Variants in GALNT18 observed in about 807,000 individuals in gnomAD.
GALNT18 encodes the protein polypeptide N-acetylgalactosaminyltransferase 18, also known as GalNAc-transferase 18.
In GALNT18, 44 loss-of-function variants were observed where a neutral mutation model predicts 69.5. That is an observed-to-expected ratio of 0.63 (90% CI 0.50 to 0.81). GALNT18 has a LOEUF of 0.81. Among genes scored for constraint, GALNT18 ranks in the 40% least tolerant of loss-of-function variants. The pLI is 0.00. For missense variants in GALNT18, 715 were observed against 810.0 expected, an observed-to-expected ratio of 0.88 and a Z score of 1.42; for synonymous variants, 364 against 318.2, an observed-to-expected ratio of 1.14 and a Z score of -1.53.
chr11:11,327,880 C>A (rs1376606494), intron 8 of GALNT18, among the ~76,000 whole-genome samples: 3 of 152,186 alleles, frequency 2.0e-5, no homozygotes, highest in Non-Finnish European at 2.9e-5. Context: ...ACCTCATGGC[C>A]CTGCTCACCG....
chr11:11,526,896 C>T (rs939986770), intron 1 of GALNT18, among the ~76,000 whole-genome samples: 1 of 152,140 alleles, frequency 6.6e-6, no homozygotes, highest in African/African-American at 2.4e-5. Context: ...GCAATCCAGT[C>T]GAGTCCACGC....
intron 1 of GALNT18, among the ~76,000 whole-genome samples, chr11:11,458,541 A>G (rs1289378906): frequency 2.6e-5 from 4 of 152,336 alleles, no homozygotes; most frequent in Middle Eastern, 3.4e-3. Flanking sequence ...CTGACTTCCA[A>G]TGATGAGAAG....
intron 6 of GALNT18, among the ~76,000 whole-genome samples, chr11:11,354,234 T>G (rs1029266468): frequency 6.6e-6 from 1 of 152,156 alleles, no homozygotes; most frequent in Admixed American, 6.5e-5. Context: ...ACAAAAGAGA[T>G]CAGCATACTG....
intron 3 of GALNT18, among the ~76,000 whole-genome samples, chr11:11,425,942 G>A (rs1855119147): frequency 6.6e-6 from 1 of 152,246 alleles, no homozygotes; most frequent in African/African-American, 2.4e-5. Flanking sequence ...GAATCATGCA[G>A]TCCCAGCTAA....
chr11:11,515,866 G>A (rs1392606488), intron 1 of GALNT18, among the ~76,000 whole-genome samples: 1 of 152,248 alleles, frequency 6.6e-6, no homozygotes, highest in African/African-American at 2.4e-5. Context: ...GGCCCCATGA[G>A]GGAGAGAGGT....
At chr11:11,508,241 C>A (rs747808168) in intron 1 of GALNT18, among the ~76,000 whole-genome samples, 5 of 152,048 alleles carry the variant, frequency 3.3e-5, no homozygotes, top group Non-Finnish European at 5.9e-5. Flanking sequence ...ACACATATAC[C>A]CTTTTTTGTT....
intron 10 of GALNT18, 70 bp downstream of exon 10, chr11:11,292,959 C>T (rs539244744): frequency 3.8e-5 from 49 of 1,305,916 alleles, no homozygotes; most frequent in Non-Finnish European, 4.7e-5. Context: ...CACCACCTCC[C>T]TGGCCCCTGA....
At chr11:11,472,170 C>T (rs907388801) in intron 1 of GALNT18, among the ~76,000 whole-genome samples, 3 of 152,198 alleles carry the variant, frequency 2.0e-5, no homozygotes, top group East Asian at 3.9e-4. Context: ...ACAGGGGCTC[C>T]ACTACCTGGA....
intron 6 of GALNT18, among the ~76,000 whole-genome samples, chr11:11,367,614 TA>T (rs1424974131): frequency 1.3e-5 from 2 of 152,184 alleles, no homozygotes; most frequent in Non-Finnish European, 2.9e-5. Context: ...GCTGTGGTTG[TA>T]GTGGCATTCT....
At chr11:11,361,656 C>T (rs933894372) in intron 6 of GALNT18, among the ~76,000 whole-genome samples, 2 of 152,150 alleles carry the variant, frequency 1.3e-5, no homozygotes, top group Non-Finnish European at 2.9e-5. Context: ...CTTATACTCA[C>T]TGTTTATAGC....
intron 3 of GALNT18, among the ~76,000 whole-genome samples, chr11:11,403,077 G>A (rs1225188669): frequency 6.6e-6 from 1 of 152,192 alleles, no homozygotes; most frequent in African/African-American, 2.4e-5. Flanking sequence ...CACAGACAGG[G>A]AACAAATCAG....
At chr11:11,547,650 C>T (rs1287364107) in intron 1 of GALNT18, among the ~76,000 whole-genome samples, 3 of 152,178 alleles carry the variant, frequency 2.0e-5, no homozygotes, top group African/African-American at 7.2e-5. Flanking sequence ...AGCCCCTGCT[C>T]GAGACCCTGC....
chr11:11,424,730 C>T (rs572199722), intron 3 of GALNT18, among the ~76,000 whole-genome samples: 34 of 152,184 alleles, frequency 2.2e-4, no homozygotes, highest in African/African-American at 7.9e-4. Context: ...AGCACTGAGG[C>T]CAACCTCCTA....
chr11:11,579,204 C>T (rs569028437), intron 1 of GALNT18, among the ~76,000 whole-genome samples: 8 of 152,314 alleles, frequency 5.3e-5, no homozygotes, highest in African/African-American at 1.4e-4. Flanking sequence ...AGGAAGGCTC[C>T]AGTCCTGCAG....
intron 1 of GALNT18, among the ~76,000 whole-genome samples, chr11:11,530,547 C>A (rs1857622779): frequency 6.6e-6 from 1 of 152,202 alleles, no homozygotes; most frequent in Non-Finnish European, 1.5e-5. Flanking sequence ...CGGACCCAAA[C>A]AGGCGTGCCA....
chr11:11,326,965 G>A, intron 9 of GALNT18, 121 bp downstream of exon 9: 1 of 708,486 alleles, frequency 1.4e-6, no homozygotes, highest in Non-Finnish European at 2.4e-6. Context: ...AGAGGCCCCT[G>A]GTCCCAGAGC....
At position 11,606,550 on chromosome 11, in the gene GALNT18, A is replaced by C. The variant is rs572658105; in HGVS notation, c.235+14809T>G. ...CACTCTGGTTTGAGGGGCTGAGAAG[A>C]AGCTCTGTTCCCAGATACGGAGGCA... On this transcript the variant is annotated intron_variant, in intron 1 of 10. Coordinates refer to ENST00000227756, the MANE Select transcript of GALNT18 (RefSeq NM_198516.3). The surrounding 1 kb of genome is among the most constrained non-coding windows in gnomAD (Gnocchi z 5.4). 1.3e-5 allele frequency among the ~76,000 whole-genome samples: 2 copies of C among 152,250 alleles called. No individual in the cohort carries two copies. The highest frequency in any genetic ancestry group is 1.9e-4 in the East Asian group (1 of 5,180).
intron 8 of GALNT18, among the ~76,000 whole-genome samples, chr11:11,328,874 T>A (rs994473018): frequency 6.6e-6 from 1 of 152,210 alleles, no homozygotes; most frequent in African/African-American, 2.4e-5. Context: ...GAGGAAGGCC[T>A]GGAGAGCCCT....
At position 11,461,580 on chromosome 11, in the gene GALNT18, G is replaced by T. The variant is rs1331895069; in HGVS notation, c.236-12644C>A. On this transcript the variant is annotated intron_variant, in intron 1 of 10. Coordinates refer to ENST00000227756, the MANE Select transcript of GALNT18 (RefSeq NM_198516.3). This position sits in a 1 kb window ranked among gnomAD's most constrained non-coding sequence, Gnocchi z 4.1. Reference sequence around the variant, plus strand: ...ATCCCCCCCGCTCCCGCCCGCCACCGAGCTGACAGCCCGGAGCTGACACCC... The same window carrying T: ...ATCCCCCCCGCTCCCGCCCGCCACCTAGCTGACAGCCCGGAGCTGACACCC... 6.6e-6 allele frequency among the ~76,000 whole-genome samples: 1 copy of T among 152,090 alleles called. No individual in the cohort carries two copies. Among genetic ancestry groups the T allele is most frequent in the African/African-American group, 2.4e-5 (1 of 41,396 alleles).
Sources: allele counts gnomAD v4.1 joint callset (sites outside exome capture counted in the v4.1 genomes callset), GRCh38; gene constraint gnomAD v4.1.1; non-coding constraint Gnocchi (gnomAD v3.1); transcripts MANE v1.5; gene names NCBI Gene and HGNC (gene_info 2026-07-23, HGNC 2026-07-21).